The following ADAR variants were observed in gnomAD, a reference collection of about 807,000 sequenced individuals.
ADAR encodes the protein adenosine deaminase RNA specific.
A neutral mutation model predicts 113.2 loss-of-function variants in ADAR; 41 were observed. The observed-to-expected ratio is 0.36, with a 90% CI of 0.28 to 0.47. ADAR has a LOEUF of 0.47. Among genes scored for constraint, ADAR ranks in the 20% least tolerant of loss-of-function variants. ADAR has a pLI of 1.00. For synonymous variants in ADAR, 605 were observed against 572.6 expected, an observed-to-expected ratio of 1.06 and a Z score of -0.81; for missense variants, 1,242 against 1,540.9, an observed-to-expected ratio of 0.81 and a Z score of 3.25.
At chr1:154,620,641 C>T (rs1163159971) in intron 1 of ADAR, among the ~76,000 whole-genome samples, 1 of 152,146 alleles carries the variant, frequency 6.6e-6, no homozygotes. Context: ...AACAAAAGCA[C>T]ATACTGACAT....
At position 154,583,876 on chromosome 1, in the gene ADAR, C is replaced by T. The variant is rs34950403; in HGVS notation, c.*930G>A. ...TATCTGAGCAGAGATGATTTTATAC[C>T]CTCTAGGATTTGTCCCGTTGGCTAG... On this transcript the variant is annotated 3_prime_UTR_variant, in exon 15 of 15. Coordinates refer to ENST00000368474, the MANE Select transcript of ADAR (RefSeq NM_001111.5). 3 of 152,132 alleles carry T rather than the reference C, an allele frequency of 2.0e-5. No homozygotes were observed. Among genetic ancestry groups the T allele is most frequent in the Admixed American group, 1.3e-4 (2 of 15,274 alleles). 9.4% of individuals were successfully genotyped at this position (152,132 alleles called of 1,614,324 possible).
At chr1:154,595,855 C>A (rs568323738) in intron 6 of ADAR, among the ~76,000 whole-genome samples, 1 of 152,234 alleles carries the variant, frequency 6.6e-6, no homozygotes, top group Non-Finnish European at 1.5e-5. Context: ...GTCCTGCAAG[C>A]TCCATTCATG....
chr1:154,584,470 A>C lies in ADAR; in HGVS notation c.*336T>G. 1 of 299,874 alleles carries C rather than the reference A, an allele frequency of 3.3e-6. No homozygotes were observed. The highest frequency in any genetic ancestry group is 6.3e-6 in the Non-Finnish European group (1 of 159,360). 18.6% of individuals were successfully genotyped at this position (299,874 alleles called of 1,614,324 possible). A position where few individuals can be genotyped will look rare whatever the true frequency, so the allele number is the denominator to read the frequency against. On this transcript the variant is annotated 3_prime_UTR_variant, in exon 15 of 15. Coordinates refer to ENST00000368474, the MANE Select transcript of ADAR (RefSeq NM_001111.5). ...GGTCAGTGTAGCAAACACAAAGGGA[A>C]AGGAAATGGAAACAAATCAAAACAA...
chr1:154,604,943 C>CA (rs144541927), intron 1 of ADAR, among the ~76,000 whole-genome samples: 1 of 152,338 alleles, frequency 6.6e-6, no homozygotes, highest in African/African-American at 2.4e-5. Flanking sequence ...TGCCATAACT[C>CA]AAACAGCACA....
intron 6 of ADAR, among the ~76,000 whole-genome samples, chr1:154,593,067 G>A (rs1335099709): frequency 2.7e-5 from 4 of 149,784 alleles, no homozygotes; most frequent in Admixed American, 6.6e-5. Flanking sequence ...CCCAGGAGGC[G>A]GAGGTTGCAG....
At chr1:154,598,903 G>A (rs1042917750) in intron 2 of ADAR, among the ~76,000 whole-genome samples, 2 of 152,186 alleles carry the variant, frequency 1.3e-5, no homozygotes, top group African/African-American at 2.4e-5. Context: ...CAAAAATGAT[G>A]AGCCAAAAAT....
intron 1 of ADAR, among the ~76,000 whole-genome samples, chr1:154,605,821 G>A (rs529713471): frequency 6.6e-6 from 1 of 152,104 alleles, no homozygotes; most frequent in East Asian, 1.9e-4. Flanking sequence ...GGACTTAGGG[G>A]TTCTCCTATT....
chr1:154,602,567 G>C lies in ADAR; in HGVS notation c.75C>G (p.Leu25=), dbSNP rs142127875. ...HPFQGYEHRQ[L]RYQQPGPGSS... is the part of the protein sequence containing the mutation. The stretch of plus-strand genomic sequence containing the variant: ...ATCCTGGCCCAGGCTGCTGGTACCT[G>C]AGCTGTCTGTGCTCATAGCCTTGAA... The change falls in exon 2 of 15, where the codon CTC becomes CTG. Residue 25 remains leucine (L), a synonymous_variant. Transcript: ENST00000368474. 6.2e-7 allele frequency: 1 copy of C among 1,614,068 alleles called. No homozygotes were observed. The highest frequency in any genetic ancestry group is 1.3e-5 in the African/African-American group (1 of 74,948).
Position 154,596,810 on chromosome 1 carries a change from C to T in ADAR, c.2265G>A (p.Glu755=), listed in dbSNP as rs750254977. The change falls in exon 6 of 15, where the codon GAG becomes GAA. Residue 755 remains glutamate, a synonymous_variant. Transcript: ENST00000368474. ...KLVDQSGPPH[E]PKFVYQAKVG... Reference sequence around the variant, plus strand: ...GCCAGGACTAGGACACTCACTTGGGCTCGTGAGGAGGTCCGGACTGGTCGA... The same window carrying T: ...GCCAGGACTAGGACACTCACTTGGGTTCGTGAGGAGGTCCGGACTGGTCGA... The T allele has an allele frequency of 2.5e-6, 4 of 1,612,846 alleles. No homozygotes were observed. The African/African-American group carries it at 4.0e-5, about 16-fold the overall frequency.
chr1:154,589,849 AAGCT>A lies in ADAR; in HGVS notation c.2572_2575del (p.Phe859SerfsTer15). 1 of 1,614,054 alleles carries A rather than the reference AAGCT, an allele frequency of 6.2e-7. No homozygotes were observed. Among genetic ancestry groups the A allele is most frequent in the Non-Finnish European group, 8.5e-7 (1 of 1,180,014 alleles). Reference sequence around the variant, plus strand: ...CTTGCGGCCGAGCAAGGAGGGCTGGAAGCTGTTAGTCAGAGTGTTGAAGCACCGG... The same window carrying A: ...CTTGCGGCCGAGCAAGGAGGGCTGGAGTTAGTCAGAGTGTTGAAGCACCGG... On this transcript the variant is annotated frameshift_variant, in exon 8 of 15. Transcript: ENST00000368474. LOFTEE classifies it high-confidence loss of function.
chr1:154,594,317 TAA>T (rs781209454), intron 6 of ADAR, among the ~76,000 whole-genome samples: 21 of 152,174 alleles, frequency 1.4e-4, no homozygotes, highest in Non-Finnish European at 2.2e-4. Context: ...GAGTGTACAA[TAA>T]AAGTGTCCCT....
At chr1:154,611,906 A>G (rs1698497600), upstream of ADAR, among the ~76,000 whole-genome samples, 1 of 152,232 alleles carries the variant, frequency 6.6e-6, no homozygotes, top group Non-Finnish European at 1.5e-5. Flanking sequence ...AGGTGCATTC[A>G]GGGGGTGAGA....
At position 154,583,270 on chromosome 1, in the gene ADAR, C is replaced by G. The variant is rs528233886; in HGVS notation, c.*1536G>C. On this transcript the variant is annotated 3_prime_UTR_variant, in exon 15 of 15. Transcript: ENST00000368474. Reference sequence around the variant, plus strand: ...TGGACTGCAGCCATCACCACGGCACCAAGTCTATGCTTGGGCTCTTCCCTG... The same window carrying G: ...TGGACTGCAGCCATCACCACGGCACGAAGTCTATGCTTGGGCTCTTCCCTG... 55 of 152,396 alleles carry G rather than the reference C, an allele frequency of 3.6e-4. No individual in the cohort carries two copies. The highest frequency in any genetic ancestry group is 1.1e-3 in the Admixed American group (17 of 15,310). The allele number at this position is 152,396 out of a possible 1,614,324, so 9.4% of individuals were successfully genotyped here. A position where few individuals can be genotyped will look rare whatever the true frequency, so the allele number is the denominator to read the frequency against.
At chr1:154,593,863 T>A (rs1411356472) in intron 6 of ADAR, among the ~76,000 whole-genome samples, 1 of 151,930 alleles carries the variant, frequency 6.6e-6, no homozygotes, top group Non-Finnish European at 1.5e-5. Flanking sequence ...TATGAATAAA[T>A]GAAATGCCAT....
At chr1:154,607,251 C>G (rs1469232022) in intron 1 of ADAR, among the ~76,000 whole-genome samples, 1 of 152,022 alleles carries the variant, frequency 6.6e-6, no homozygotes, top group Non-Finnish European at 1.5e-5. Context: ...CTTAGCATAA[C>G]GCACTTGCGA....
chr1:154,627,149 C>T (rs1275209476), intron 1 of ADAR, among the ~76,000 whole-genome samples: 1 of 152,178 alleles, frequency 6.6e-6, no homozygotes, highest in Non-Finnish European at 1.5e-5. Flanking sequence ...TTTTGGAAGG[C>T]AAGTTTCCCA....
Position 154,627,291 on chromosome 1 carries a change from G to T in ADAR, c.-871+564C>A, listed in dbSNP as rs554567181. On this transcript the variant is annotated intron_variant, in intron 1 of 14. Transcript: ENST00000368471. The stretch of plus-strand genomic sequence containing the variant: ...GCACCAGGCCAGACAGGCTGAGCGC[G>T]GCGGCCGTGACCCCGCAGTGAGCTT... 3.3e-3 allele frequency among the ~76,000 whole-genome samples: 501 copies of T among 152,338 alleles called. 1 individual carries two copies. Among genetic ancestry groups the T allele is most frequent in the African/African-American group, 0.011 (461 of 41,582 alleles).
chr1:154,596,620 A>C (rs1697510805), intron 6 of ADAR, among the ~76,000 whole-genome samples, 185 bp downstream of exon 6: 1 of 152,152 alleles, frequency 6.6e-6, no homozygotes, highest in Admixed American at 6.6e-5. Flanking sequence ...TGCTTACTGG[A>C]AGAGTGAACG....
intron 1 of ADAR, among the ~76,000 whole-genome samples, chr1:154,625,426 A>G (rs1470520222): frequency 1.3e-5 from 2 of 152,262 alleles, no homozygotes; most frequent in African/African-American, 4.8e-5. Context: ...CCGTTAATTA[A>G]TGTCAGGACC....
Sources: gnomAD v4.1 joint callset for allele counts (sites outside exome capture counted in the v4.1 genomes callset) on GRCh38, gnomAD v4.1.1 for gene constraint, MANE v1.5 for transcripts, NCBI Gene and HGNC (gene_info 2026-07-23, HGNC 2026-07-21) for gene names.